DCC: variants seen among roughly 807,000 people sequenced by gnomAD.
The protein encoded by DCC is DCC netrin 1 receptor, also known as netrin receptor DCC.
In DCC, 58 loss-of-function variants were observed where a neutral mutation model predicts 172.5. The ratio of observed to expected loss-of-function variants is 0.34; its 90% CI spans 0.27 to 0.42. The LOEUF is 0.42. DCC is among the 10% of genes least tolerant of loss of function. The pLI is 1.00. For missense variants in DCC, 1,740 were observed against 1,791.0 expected, an observed-to-expected ratio of 0.97 and a Z score of 0.51; for synonymous variants, 709 against 644.5, an observed-to-expected ratio of 1.10 and a Z score of -1.52.
chr18:53,029,963 T>C (rs1159523400), intron 5 of DCC, among the ~76,000 whole-genome samples: 1 of 152,186 alleles, frequency 6.6e-6, no homozygotes, highest in Non-Finnish European at 1.5e-5. Flanking sequence ...ACCTAGATAT[T>C]TTATGCAGCC....
rs2037000053 is a variant in DCC at position 52,751,887 on chromosome 18, T to G, written c.92-167T>G. 10 of 621,352 alleles carry G rather than the reference T, an allele frequency of 1.6e-5. No individual in the cohort carries two copies. In the Middle Eastern group the frequency reaches 1.3e-3, roughly 79 times the overall value. The allele number at this position is 621,352 out of a possible 1,614,324, so 38.5% of individuals were successfully genotyped here. A position where few individuals can be genotyped will look rare whatever the true frequency, so the allele number is the denominator to read the frequency against. On this transcript the variant is annotated intron_variant, in intron 1 of 28. Coordinates refer to ENST00000442544, the MANE Select transcript of DCC (RefSeq NM_005215.4). ...ATTATGATTACCTCGACTGGGTACT[T>G]TTTTGCTTATTTAACATAATATCCT...
At chr18:52,414,333 C>T (rs1314915078) in intron 1 of DCC, among the ~76,000 whole-genome samples, 1 of 152,082 alleles carries the variant, frequency 6.6e-6, no homozygotes, top group Non-Finnish European at 1.5e-5. Context: ...ATCCACCCAC[C>T]TCAGCCTCCC....
At position 53,336,822 on chromosome 18, in the gene DCC, GC is replaced by G. The variant is rs149124047; in HGVS notation, c.2165-2890del. On this transcript the variant is annotated intron_variant, in intron 14 of 28. Coordinates refer to ENST00000442544, the MANE Select transcript of DCC (RefSeq NM_005215.4). The stretch of plus-strand genomic sequence containing the variant: ...GTCAGAGGGTTAGAGGCTGCAATGA[GC>G]TTTGATCTCACCACTGCAATCCAGC... 1.7e-3 allele frequency among the ~76,000 whole-genome samples: 265 copies of G among 152,346 alleles called. 2 individuals are homozygous for G. The highest frequency in any genetic ancestry group is 6.2e-3 in the African/African-American group (256 of 41,584).
At chr18:53,328,372 C>T (rs2057492210) in intron 14 of DCC, among the ~76,000 whole-genome samples, 1 of 152,146 alleles carries the variant, frequency 6.6e-6, no homozygotes, top group Non-Finnish European at 1.5e-5. Flanking sequence ...CTTGGTTTTT[C>T]TCATGTGTAA....
chr18:53,408,334 G>A (rs1186221571), intron 19 of DCC, among the ~76,000 whole-genome samples: 1 of 152,138 alleles, frequency 6.6e-6, no homozygotes, highest in Non-Finnish European at 1.5e-5. Flanking sequence ...ATGTTCACCT[G>A]GCTGAGGTCT....
At chr18:52,901,408 C>T (rs1044580656) in intron 2 of DCC, among the ~76,000 whole-genome samples, 2 of 151,340 alleles carry the variant, frequency 1.3e-5, no homozygotes, top group African/African-American at 4.9e-5. Context: ...CCATCCTGGG[C>T]GATAGTGTAT....
At chr18:52,569,829 A>T (rs898345240) in intron 1 of DCC, among the ~76,000 whole-genome samples, 2 of 152,178 alleles carry the variant, frequency 1.3e-5, no homozygotes, top group African/African-American at 4.8e-5. Context: ...TATAAAGGCA[A>T]TGTGTATTAC....
intron 1 of DCC, among the ~76,000 whole-genome samples, chr18:52,641,602 CAT>C (rs144575932): frequency 0.38 from 58,266 of 151,606 alleles, 11,627 homozygotes; most frequent in East Asian, 0.68. Flanking sequence ...GGCTAACAAA[CAT>C]ATGAAAAAAA....
rs527260672 is a variant in DCC at position 52,446,346 on chromosome 18, T to C, written c.91+105468T>C. On this transcript the variant is annotated intron_variant, in intron 1 of 28. Transcript: ENST00000442544. ...AGGATGTTTGAAATTCTGTATTTGC[T>C]TATCTACAAGCTATGTGATCCTCCA... 2.0e-5 allele frequency among the ~76,000 whole-genome samples: 3 copies of C among 152,344 alleles called. No individual in the cohort carries two copies. The South Asian group carries it at 6.2e-4, about 32-fold the overall frequency.
At chr18:53,366,061 T>C (rs1021755398) in intron 15 of DCC, among the ~76,000 whole-genome samples, 36 of 143,990 alleles carry the variant, frequency 2.5e-4, no homozygotes, top group African/African-American at 9.2e-4. Context: ...AATACTTAAT[T>C]GTTTTTTTTT....
intron 1 of DCC, among the ~76,000 whole-genome samples, chr18:52,398,709 A>G (rs1986326149): frequency 6.6e-6 from 1 of 152,040 alleles, no homozygotes; most frequent in African/African-American, 2.4e-5. Context: ...TTTCACTCAC[A>G]GTAGCACATG....
chr18:53,437,290 A>G (rs1283616000), intron 22 of DCC, among the ~76,000 whole-genome samples: 1 of 152,106 alleles, frequency 6.6e-6, no homozygotes, highest in East Asian at 1.9e-4. Flanking sequence ...TAGTTTAGGA[A>G]GCACACAGGG....
chr18:53,084,760 A>C (rs921860502), intron 7 of DCC, among the ~76,000 whole-genome samples: 1 of 152,220 alleles, frequency 6.6e-6, no homozygotes, highest in Non-Finnish European at 1.5e-5. Flanking sequence ...AAGACTATAC[A>C]ATAACAAACA....
intron 15 of DCC, among the ~76,000 whole-genome samples, chr18:53,351,324 ATATATATACAGTG>A (rs1351384694): frequency 0.022 from 1,081 of 48,452 alleles, 99 homozygotes; most frequent in African/African-American, 0.059. Context: ...TACACTGTAT[ATATATATACAGTG>A]TATATATATA....
At chr18:52,823,330 C>T (rs1407519941) in intron 2 of DCC, among the ~76,000 whole-genome samples, 4 of 152,156 alleles carry the variant, frequency 2.6e-5, no homozygotes, top group Non-Finnish European at 5.9e-5. Context: ...CTACTGAATT[C>T]TGGGTGGATC....
rs181838398 is a variant in DCC, at chr18:52,491,233, G to A, written c.91+150355G>A. Among the ~76,000 whole-genome samples, 34 of 152,130 alleles carry A rather than the reference G, an allele frequency of 2.2e-4. No individual in the cohort carries two copies. In the East Asian group the frequency reaches 6.6e-3, roughly 29 times the overall value. On this transcript the variant is annotated intron_variant, in intron 1 of 28. Coordinates refer to ENST00000442544, the MANE Select transcript of DCC (RefSeq NM_005215.4). ...TGTTGTATGTCATGCTCTCTACTAG[G>A]TAATAGGGATAGAAGATGATCAAAA... is the stretch of plus-strand genomic sequence containing the variant.
intron 1 of DCC, among the ~76,000 whole-genome samples, chr18:52,606,212 G>C (rs897715652): frequency 6.6e-6 from 1 of 151,946 alleles, no homozygotes; most frequent in African/African-American, 2.4e-5. Context: ...ATGCATTTTG[G>C]TGAACACAAA....
At chr18:53,156,467 A>T (rs1011925564) in intron 7 of DCC, among the ~76,000 whole-genome samples, 4 of 151,176 alleles carry the variant, frequency 2.6e-5, no homozygotes, top group African/African-American at 9.8e-5. Flanking sequence ...TGGGTTGCAG[A>T]GCAAGACCCC....
At chr18:53,294,714 C>A (rs552969299) in intron 12 of DCC, among the ~76,000 whole-genome samples, 1 of 152,158 alleles carries the variant, frequency 6.6e-6, no homozygotes, top group Admixed American at 6.5e-5. Flanking sequence ...AGCTGGGACC[C>A]AAATCAAAGT....
Sources: gnomAD v4.1 joint callset for allele counts (sites outside exome capture counted in the v4.1 genomes callset) on GRCh38, gnomAD v4.1.1 for gene constraint, MANE v1.5 for transcripts, NCBI Gene and HGNC (gene_info 2026-07-23, HGNC 2026-07-21) for gene names.